The following MPP4 variants were observed in gnomAD, a reference collection of about 807,000 sequenced individuals.
The protein encoded by MPP4 is MAGUK p55 scaffold protein 4.
A neutral mutation model predicts 98.3 loss-of-function variants in MPP4; 91 were observed. That is an observed-to-expected ratio of 0.93 (90% confidence interval 0.78 to 1.10). MPP4 has a LOEUF of 1.10. MPP4 is among the 50% of genes least tolerant of loss of function. The pLI is 0.00. For missense variants in MPP4, 744 were observed against 792.9 expected (o/e 0.94, Z 0.74); for synonymous variants, 261 against 271.8 (o/e 0.96, Z 0.39).
Position 201,694,032 on chromosome 2 carries a change from A to T in MPP4, c.-78T>A. On this transcript the variant is annotated 5_prime_UTR_variant, in exon 2 of 22. Coordinates refer to ENST00000409474, the MANE Select transcript of MPP4 (RefSeq NM_033066.3). ...CACGGCACACAGCTCACTCAGTCCC[A>T]CTGGCCACCAGCTCTCAGCACACTG... is the stretch of plus-strand genomic sequence containing the variant. The T allele has an allele frequency of 6.2e-7, 1 of 1,612,740 alleles. No homozygotes were observed. The highest frequency in any genetic ancestry group is 8.5e-7 in the Non-Finnish European group (1 of 1,179,386).
intron 4 of MPP4, among the ~76,000 whole-genome samples, chr2:201,688,906 T>C (rs1688916067): frequency 6.6e-6 from 1 of 152,092 alleles, no homozygotes; most frequent in South Asian, 2.1e-4. Context: ...CATGAGCTAC[T>C]GCACCCAGCC....
intron 17 of MPP4, 25 bp downstream of exon 17, chr2:201,656,171 GGA>G (rs1687841039): frequency 6.4e-7 from 1 of 1,570,682 alleles, no homozygotes; most frequent in Admixed American, 1.8e-5. Flanking sequence ...TCAAGGAGGA[GGA>G]GAGACAGTGC....
intron 14 of MPP4, chr2:201,661,584 CT>C (rs1416146228): frequency 8.8e-6 from 4 of 456,182 alleles, no homozygotes; most frequent in Non-Finnish European, 1.8e-5. Flanking sequence ...AAAGAACTGG[CT>C]GCTGACTCCC....
intron 16 of MPP4, among the ~76,000 whole-genome samples, chr2:201,657,590 G>GTTTTTTTGTTTTT: frequency 1.1e-5 from 1 of 91,124 alleles, no homozygotes; most frequent in East Asian, 3.8e-4. Flanking sequence ...CCTGGCCCTT[G>GTTTTTTTGTTTTT]TTTTTTTTTT....
At chr2:201,675,175 G>A in intron 11 of MPP4, 32 bp downstream of exon 11, 1 of 1,586,618 alleles carries the variant, frequency 6.3e-7, no homozygotes, top group Non-Finnish European at 8.6e-7. Context: ...ATTGCAAACA[G>A]GAAGAACCTG....
At position 201,664,374 on chromosome 2, in the gene MPP4, A is replaced by T. The variant is rs373707737; in HGVS notation, c.1052-273T>A. ...AAAATAATAGAAGGTGAATAAAATA[A>T]AATGTAAAAAGCAGCTCAGAGGGAA... is the stretch of plus-strand genomic sequence containing the variant. On this transcript the variant is annotated intron_variant, in intron 13 of 21. Transcript: ENST00000409474. 3.0e-5 allele frequency: 40 copies of T among 1,353,272 alleles called. No homozygotes were observed. The African/African-American group carries it at 5.6e-4, about 19-fold the overall frequency. 83.8% of individuals were successfully genotyped at this position (1,353,272 alleles called of 1,614,324 possible). A position where few individuals can be genotyped will look rare whatever the true frequency, so the allele number is the denominator to read the frequency against.
At position 201,658,502 on chromosome 2, in the gene MPP4, A is replaced by C; in HGVS notation, c.1104T>G (p.Val368=). ...CTATAAAGAACTTCTGACCGTAGCCAACAAACTCCTCCTTGTCTGAAACAC... is the reference window on the plus strand; with the variant it reads ...CTATAAAGAACTTCTGACCGTAGCCCACAAACTCCTCCTTGTCTGAAACAC... ...EELSEDKEEF[V]GYGQKFFIAG... is the part of the protein sequence containing the mutation. The change falls in exon 16 of 22, where the codon GTT becomes GTG. Residue 368 remains valine, a synonymous_variant. Coordinates refer to ENST00000409474, the MANE Select transcript of MPP4 (RefSeq NM_033066.3). 6.2e-7 allele frequency: 1 copy of C among 1,613,340 alleles called. No homozygotes were observed.
intron 10 of MPP4, 79 bp downstream of exon 10, chr2:201,680,759 T>G: frequency 1.5e-6 from 2 of 1,302,172 alleles, no homozygotes; most frequent in Non-Finnish European, 2.1e-6. Context: ...TATCTCATCT[T>G]GAGGTAACAG....
At position 201,656,808 on chromosome 2, in the gene MPP4, C is replaced by T. The variant is rs1454182255; in HGVS notation, c.1130-440G>A. Among the ~76,000 whole-genome samples the T allele has an allele frequency of 2.0e-5, 3 of 152,156 alleles. 1 individual carries two copies. Among genetic ancestry groups the T allele is most frequent in the African/African-American group, 7.2e-5 (3 of 41,418 alleles). The stretch of plus-strand genomic sequence containing the variant: ...AGACATCTGGAGGAAGGCAGGGAGC[C>T]ACATCAGGAAGCCTCTGCAGAGACG... On this transcript the variant is annotated intron_variant, in intron 16 of 21. Transcript: ENST00000409474.
chr2:201,645,526 A>G (rs543439666), intron 21 of MPP4, 122 bp from the exon 22 acceptor site: 54 of 685,594 alleles, frequency 7.9e-5, no homozygotes, highest in Non-Finnish European at 1.1e-4. Flanking sequence ...AGGTCCGAAA[A>G]TTTTGCACAG....
rs893169590 is a variant in MPP4 at position 201,656,361 on chromosome 2, G to A, written c.1137C>T (p.Phe379=). The A allele has an allele frequency of 5.2e-6, 8 of 1,550,618 alleles. No homozygotes were observed. Among genetic ancestry groups the A allele is most frequent in the Admixed American group, 2.0e-5 (1 of 50,918 alleles). ...GYGQKFFIAG[F]RRSMRLCRRK... Reference sequence around the variant, plus strand: ...TGCGACAAAGGCGCATGCTGCGGCGGAAGCCAGCTAGGGAGGGGAAGTGCA... The same window carrying A: ...TGCGACAAAGGCGCATGCTGCGGCGAAAGCCAGCTAGGGAGGGGAAGTGCA... The change falls in exon 17 of 22, where the codon TTC becomes TTT. Residue 379 remains phenylalanine, a synonymous_variant. Coordinates refer to ENST00000409474, the MANE Select transcript of MPP4 (RefSeq NM_033066.3).
At chr2:201,684,985 AT>A (rs2105942549) in intron 7 of MPP4, 78 bp downstream of exon 7, 1 of 1,149,224 alleles carries the variant, frequency 8.7e-7, no homozygotes, top group African/African-American at 1.6e-5. Context: ...AAAAAAAGGG[AT>A]TTCTCTAGAA....
intron 4 of MPP4, 113 bp downstream of exon 4, chr2:201,690,089 C>T: frequency 1.7e-6 from 1 of 581,962 alleles, no homozygotes; most frequent in Non-Finnish European, 3.0e-6. Flanking sequence ...TTATTAGATG[C>T]ATAGTCATCA....
At chr2:201,657,426 T>A (rs1252001288) in intron 16 of MPP4, among the ~76,000 whole-genome samples, 1 of 152,114 alleles carries the variant, frequency 6.6e-6, no homozygotes, top group Non-Finnish European at 1.5e-5. Context: ...TGTGTACATA[T>A]AAATACACAT....
chr2:201,648,631 AAGAC>A (rs1687633239), intron 20 of MPP4, among the ~76,000 whole-genome samples: 3 of 152,292 alleles, frequency 2.0e-5, no homozygotes, highest in Admixed American at 6.5e-5. Context: ...GACAAAGACA[AAGAC>A]AGACTCTCAA....
At chr2:201,676,051 T>C (rs1000587322) in intron 10 of MPP4, among the ~76,000 whole-genome samples, 1 of 152,202 alleles carries the variant, frequency 6.6e-6, no homozygotes, top group African/African-American at 2.4e-5. Context: ...AAGTCATATG[T>C]ATGTTAAAGG....
At chr2:201,656,089 G>C (rs1687838501) in intron 17 of MPP4, 109 bp downstream of exon 17, 4 of 1,208,556 alleles carry the variant, frequency 3.3e-6, no homozygotes, top group Non-Finnish European at 4.5e-6. Context: ...GTATTTGTAT[G>C]GGGGTCCATA....
At chr2:201,657,590 G>GTTTCTTTTTTTTTTTT (rs1687884617) in intron 16 of MPP4, among the ~76,000 whole-genome samples, 1 of 91,122 alleles carries the variant, frequency 1.1e-5, no homozygotes, top group Non-Finnish European at 2.2e-5. Flanking sequence ...CCTGGCCCTT[G>GTTTCTTTTTTTTTTTT]TTTTTTTTTT....
At chr2:201,651,099 ACC>A (rs1553664222) in intron 18 of MPP4, 17 of 985,250 alleles carry the variant, frequency 1.7e-5, no homozygotes, top group Non-Finnish European at 2.0e-5. Flanking sequence ...AATCTATATT[ACC>A]ATTAGTTCCC....
Sources: allele counts gnomAD v4.1 joint callset (sites outside exome capture counted in the v4.1 genomes callset), GRCh38; gene constraint gnomAD v4.1.1; transcripts MANE v1.5; gene names NCBI Gene and HGNC (gene_info 2026-07-23, HGNC 2026-07-21).